The following GPHN variants were observed in gnomAD, a reference collection of about 807,000 sequenced individuals.
GPHN encodes the protein gephyrin.
In GPHN, 17 loss-of-function variants were observed where a neutral mutation model predicts 95.5. That is an observed-to-expected ratio of 0.18 (90% confidence interval 0.12 to 0.27). The LOEUF (loss-of-function observed/expected upper bound fraction) is 0.27. Among genes scored for constraint, GPHN ranks in the 10% least tolerant of loss-of-function variants. The probability of loss-of-function intolerance (pLI) is 1.00; values close to 1 mark genes in which losing one functional copy is unlikely to be tolerated. For synonymous variants in GPHN, 320 were observed against 322.5 expected, an observed-to-expected ratio of 0.99 and a Z score of 0.08; for missense variants, 660 against 978.1, an observed-to-expected ratio of 0.67 and a Z score of 4.34.
the GPHN span, chr14:67,199,385 C>G: frequency 1.2e-6 from 2 of 1,613,864 alleles, no homozygotes; most frequent in Non-Finnish European, 8.5e-7. Flanking sequence ...GAACCTGGAC[C>G]CTGAGATTGA....
At chr14:66,745,505 AT>A (rs1435825296) in intron 2 of GPHN, among the ~76,000 whole-genome samples, 1 of 152,020 alleles carries the variant, frequency 6.6e-6, no homozygotes, top group Admixed American at 6.6e-5. Flanking sequence ...TTATTTATAG[AT>A]TTTTTGATTC....
At chr14:66,674,103 CT>C (rs370219778) in intron 1 of GPHN, among the ~76,000 whole-genome samples, 120 of 143,322 alleles carry the variant, frequency 8.4e-4, no homozygotes, top group Middle Eastern at 3.6e-3. Flanking sequence ...TTTTTCTTTT[CT>C]TTTTTTTTTT....
chr14:67,195,752 TG>T, the GPHN span, among the ~76,000 whole-genome samples: 7 of 151,754 alleles, frequency 4.6e-5, no homozygotes, highest in Non-Finnish European at 8.8e-5. Flanking sequence ...TGTGTGTGTG[TG>T]TGTGTTTTGA....
chr14:66,968,990 A>G (rs2069548166), intron 9 of GPHN: 1 of 149,440 alleles, frequency 6.7e-6, no homozygotes, highest in Admixed American at 6.7e-5. Context: ...TGAGAACAAA[A>G]TCTATAAAAC....
At chr14:67,312,983 C>T in the GPHN span, among the ~76,000 whole-genome samples, 3 of 152,026 alleles carry the variant, frequency 2.0e-5, no homozygotes, top group African/African-American at 4.8e-5. Context: ...ACCGTATTAT[C>T]GAGGCAATAC....
chr14:66,684,935 GT>G (rs1223494250), intron 2 of GPHN, among the ~76,000 whole-genome samples: 1 of 151,966 alleles, frequency 6.6e-6, no homozygotes, highest in Admixed American at 6.6e-5. Context: ...AGTGTGTGAT[GT>G]TCCCTTCCTG....
At chr14:67,657,580 C>G in the GPHN span, among the ~76,000 whole-genome samples, 1 of 148,766 alleles carries the variant, frequency 6.7e-6, no homozygotes, top group African/African-American at 2.5e-5. Context: ...CTTAGCTGTT[C>G]AAAGCACGCG....
chr14:67,561,921 G>T, the GPHN span: 1 of 1,493,584 alleles, frequency 6.7e-7, no homozygotes, highest in East Asian at 2.3e-5. Flanking sequence ...TGTAGGCTGG[G>T]TGTCCTAAAT....
the GPHN span, among the ~76,000 whole-genome samples, chr14:67,327,509 C>CT: frequency 6.6e-6 from 1 of 150,568 alleles, no homozygotes; most frequent in Admixed American, 6.6e-5. Flanking sequence ...TTTTATTATA[C>CT]TTTAAGTTCT....
At position 66,917,584 on chromosome 14, in the gene GPHN, C is replaced by G. The variant is rs144270505; in HGVS notation, c.456+1515C>G. On this transcript the variant is annotated intron_variant, in intron 6 of 22. Coordinates refer to ENST00000478722, the MANE Select transcript of GPHN (RefSeq NM_020806.5). ...GTAAGGTTTGGCCACTGTGCTGATT[C>G]AGATTGCCGTTGGTAATACTAGTTT... is the stretch of plus-strand genomic sequence containing the variant. Among the ~76,000 whole-genome samples, 61 of 152,284 alleles carry G rather than the reference C, an allele frequency of 4.0e-4. 3 individuals carry two copies. The East Asian group carries it at 9.8e-3, about 25-fold the overall frequency.
At chr14:66,847,305 C>T (rs1456781833) in intron 4 of GPHN, among the ~76,000 whole-genome samples, 1 of 151,966 alleles carries the variant, frequency 6.6e-6, no homozygotes, top group Non-Finnish European at 1.5e-5. Context: ...TGCATTCATT[C>T]TGAAAAACAT....
intron 9 of GPHN, among the ~76,000 whole-genome samples, chr14:67,002,309 C>CTTTTTTTTTTTTTTTTTTTTTTTTTTGTT (rs1177817698): frequency 1.7e-5 from 1 of 58,758 alleles, no homozygotes; most frequent in African/African-American, 6.8e-5. Flanking sequence ...CTTTGTGTTG[C>CTTTTTTTTTTTTTTTTTTTTTTTTTTGTT]TTTTTTTTTT....
chr14:67,144,867 G>GA (rs902884946), intron 18 of GPHN, among the ~76,000 whole-genome samples: 1 of 152,150 alleles, frequency 6.6e-6, no homozygotes, highest in Non-Finnish European at 1.5e-5. Flanking sequence ...AAGTTTGGAA[G>GA]AAAAAAATCT....
the GPHN span, among the ~76,000 whole-genome samples, chr14:67,680,880 T>G: frequency 2.6e-5 from 4 of 152,324 alleles, no homozygotes; most frequent in African/African-American, 9.6e-5. Flanking sequence ...CTTACTACAA[T>G]GCTATAGTAA....
chr14:67,547,607 T>C, the GPHN span, among the ~76,000 whole-genome samples: 1 of 152,092 alleles, frequency 6.6e-6, no homozygotes, highest in Admixed American at 6.6e-5. Context: ...TTACATGGGC[T>C]GATGACTGCA....
chr14:66,537,664 C>A (rs1011260263), intron 1 of GPHN, among the ~76,000 whole-genome samples: 9 of 152,038 alleles, frequency 5.9e-5, no homozygotes, highest in Non-Finnish European at 4.4e-5. Flanking sequence ...TTTTACAGTT[C>A]TTTGCTACCA....
At chr14:66,829,486 C>G (rs957502723) in intron 4 of GPHN, among the ~76,000 whole-genome samples, 4 of 152,064 alleles carry the variant, frequency 2.6e-5, no homozygotes, top group African/African-American at 7.2e-5. Flanking sequence ...AAACTCATTT[C>G]TATACAAAGT....
At chr14:67,691,298 T>C in the GPHN span, 2 of 1,240,382 alleles carry the variant, frequency 1.6e-6, no homozygotes, top group South Asian at 2.4e-5. Flanking sequence ...CTATTACATC[T>C]TAGAAAGCTG....
the GPHN span, among the ~76,000 whole-genome samples, chr14:67,507,318 C>T: frequency 2.0e-5 from 3 of 152,124 alleles, no homozygotes; most frequent in Non-Finnish European, 4.4e-5. Flanking sequence ...CACTGCACTC[C>T]AGCCTGGGTG....
Sources: gnomAD v4.1 joint callset for allele counts (sites outside exome capture counted in the v4.1 genomes callset) on GRCh38, gnomAD v4.1.1 for gene constraint, MANE v1.5 for transcripts, NCBI Gene and HGNC (gene_info 2026-07-23, HGNC 2026-07-21) for gene names.